MYO1B: variants seen among roughly 807,000 people sequenced by gnomAD.
MYO1B encodes unconventional myosin-Ib.
In MYO1B, 72 loss-of-function variants were observed where a neutral mutation model predicts 159.7. The ratio of observed to expected loss-of-function variants is 0.45; its 90% CI spans 0.37 to 0.55. The LOEUF (loss-of-function observed/expected upper bound fraction) is 0.55, where lower values mean the gene tolerates loss of function less well. MYO1B is among the 20% of genes least tolerant of loss of function. The pLI is 0.00. For missense variants in MYO1B, 1,062 were observed against 1,364.8 expected, an observed-to-expected ratio of 0.78 and a Z score of 3.50; for synonymous variants, 468 against 473.8, an observed-to-expected ratio of 0.99 and a Z score of 0.16.
intron 1 of MYO1B, among the ~76,000 whole-genome samples, chr2:191,264,848 T>A (rs901588776): frequency 1.3e-5 from 2 of 151,596 alleles, no homozygotes; most frequent in African/African-American, 4.9e-5. Flanking sequence ...TGAGCCTTGT[T>A]TTTTTTTGTT....
At chr2:191,423,807 A>G in intron 30 of MYO1B, 30 bp from the exon 31 acceptor site, 1 of 1,597,544 alleles carries the variant, frequency 6.3e-7, no homozygotes, top group Non-Finnish European at 8.5e-7. Context: ...TTTTGTGTAT[A>G]CTTTAATTTG....
intron 5 of MYO1B, among the ~76,000 whole-genome samples, chr2:191,342,328 A>G (rs2125955630): frequency 6.6e-6 from 1 of 152,284 alleles, no homozygotes; most frequent in South Asian, 2.1e-4. Flanking sequence ...TCTCACCTTG[A>G]TTCCTTCCCA....
Position 191,409,118 on chromosome 2 carries a change from A to G in MYO1B, c.2706A>G (p.Arg902=). 3 of 1,613,290 alleles carry G rather than the reference A, an allele frequency of 1.9e-6. 1 individual carries two copies. The South Asian group carries it at 3.3e-5, about 18-fold the overall frequency. The change falls in exon 26 of 31, where the codon AGA becomes AGG. Residue 902 remains arginine (R), a synonymous_variant. Coordinates refer to ENST00000392318, the MANE Select transcript of MYO1B (RefSeq NM_001130158.3). ...CAATAGACAAGAATTGGCCCTCAAG[A>G]CCTTACTTATTCTTGGATTCTACTC... ...LSPIDKNWPS[R]PYLFLDSTHK...
intron 5 of MYO1B, 135 bp downstream of exon 5, chr2:191,341,700 T>C: frequency 1.6e-6 from 1 of 613,548 alleles, no homozygotes; most frequent in Non-Finnish European, 2.8e-6. Flanking sequence ...CAAGACCTGC[T>C]GAGCAAATAA....
At chr2:191,324,142 T>C (rs1394464394) in intron 3 of MYO1B, among the ~76,000 whole-genome samples, 1 of 152,162 alleles carries the variant, frequency 6.6e-6, no homozygotes, top group East Asian at 1.9e-4. Flanking sequence ...TTTTATATTT[T>C]AAATGTCATT....
rs771739265 is a variant in MYO1B at position 191,390,419 on chromosome 2, G to A, written c.1909G>A (p.Ala637Thr). The change falls in exon 18 of 31, where the codon GCC (alanine) becomes ACC (threonine). Residue 637 changes from alanine to threonine, a missense_variant. Physicochemically the swap from Ala to Thr is moderately conservative, Grantham distance 58 (BLOSUM62 0). Transcript: ENST00000392318. ...VRRAGYAFRQ[A>T]YEPCLERYKM... ...GAGGGCAGGCTACGCCTTCAGGCAG[G>A]CCTATGAACCTTGCCTAGAAAGATA... is the stretch of plus-strand genomic sequence containing the variant. 2 of 1,614,234 alleles carry A rather than the reference G, an allele frequency of 1.2e-6. No homozygotes were observed. The highest frequency in any genetic ancestry group is 2.2e-5 in the South Asian group (2 of 91,090).
chr2:191,294,727 G>A (rs1397669405), intron 2 of MYO1B, among the ~76,000 whole-genome samples: 1 of 152,116 alleles, frequency 6.6e-6, no homozygotes, highest in Non-Finnish European at 1.5e-5. Context: ...CAGCAATCTT[G>A]TCCACCCTTG....
chr2:191,245,778 G>A (rs1685745760), intron 1 of MYO1B, 152 bp downstream of exon 1: 1 of 152,106 alleles, frequency 6.6e-6, no homozygotes, highest in Non-Finnish European at 1.5e-5. Flanking sequence ...GCTCTCTTGG[G>A]AGACGCGGCG....
Position 191,392,268 on chromosome 2 carries a change from G to GT in MYO1B, c.2076+70dup, listed in dbSNP as rs535535720. 3.0e-5 allele frequency: 37 copies of GT among 1,214,396 alleles called. 1 individual carries two copies. In the South Asian group the frequency reaches 5.5e-4, roughly 18 times the overall value. The allele number at this position is 1,214,396 out of a possible 1,614,324, so 75.2% of individuals were successfully genotyped here. A position where few individuals can be genotyped will look rare whatever the true frequency, so the allele number is the denominator to read the frequency against. On this transcript the variant is annotated intron_variant, in intron 19 of 30. Transcript: ENST00000392318. ...TCGTATAGGAAAGTTCTTAAAATATGTTTAACTTTATAACATTATATGAGG... is the reference window on the plus strand; with the variant it reads ...TCGTATAGGAAAGTTCTTAAAATATGTTTTAACTTTATAACATTATATGAGG...
At chr2:191,262,319 T>C (rs1686866312) in intron 1 of MYO1B, among the ~76,000 whole-genome samples, 1 of 152,172 alleles carries the variant, frequency 6.6e-6, no homozygotes, top group Admixed American at 6.5e-5. Flanking sequence ...GGCCCACTTT[T>C]ATGCAGTACA....
At chr2:191,411,356 T>G (rs982064860) in intron 27 of MYO1B, among the ~76,000 whole-genome samples, 184 bp downstream of exon 27, 6 of 152,230 alleles carry the variant, frequency 3.9e-5, no homozygotes, top group Non-Finnish European at 8.8e-5. Flanking sequence ...TAGTGCAGTT[T>G]AATGAAATGA....
chr2:191,354,332 G>T (rs946245104), intron 7 of MYO1B, among the ~76,000 whole-genome samples: 1 of 150,930 alleles, frequency 6.6e-6, no homozygotes, highest in African/African-American at 2.4e-5. Flanking sequence ...TTGAATGAAT[G>T]AATGATCACA....
At chr2:191,417,101 T>C (rs1161008546) in intron 30 of MYO1B, among the ~76,000 whole-genome samples, 2 of 152,234 alleles carry the variant, frequency 1.3e-5, no homozygotes, top group East Asian at 3.8e-4. Flanking sequence ...TATATTCTTT[T>C]CTAATTAAGA....
chr2:191,304,948 G>A (rs1313481756), intron 3 of MYO1B, among the ~76,000 whole-genome samples: 1 of 152,168 alleles, frequency 6.6e-6, no homozygotes, highest in Admixed American at 6.5e-5. Context: ...CAATCTTAAA[G>A]GGAAAAGTTT....
At chr2:191,405,336 C>T (rs180890502) in intron 24 of MYO1B, among the ~76,000 whole-genome samples, 12 of 152,310 alleles carry the variant, frequency 7.9e-5, no homozygotes, top group Admixed American at 6.5e-4. Context: ...AAGTTGTGAG[C>T]CCCCTCCAAG....
In MYO1B at chr2:191,362,268, ATAAACT is replaced by A; in HGVS notation, c.666_671del (p.Lys224_Leu225del). 1.9e-6 allele frequency: 3 copies of A among 1,612,762 alleles called. No homozygotes were observed. The highest frequency in any genetic ancestry group is 1.7e-6 in the Non-Finnish European group (2 of 1,178,968). On this transcript the variant is annotated inframe_deletion and splice_region_variant, in exon 9 of 31. Coordinates refer to ENST00000392318, the MANE Select transcript of MYO1B (RefSeq NM_001130158.3). ...ACAACTTGTGTCTTTGATTCAATAG[ATAAACT>A]TAAGCTTGAGAGGGATTTCAGCAGG...
At chr2:191,388,181 G>A (rs1364178784) in intron 17 of MYO1B, 1 of 152,220 alleles carries the variant, frequency 6.6e-6, no homozygotes, top group East Asian at 1.9e-4. Flanking sequence ...CTACTTGGGA[G>A]GCTGAGGCAG....
In MYO1B at chr2:191,393,188, A is replaced by G; in HGVS notation, c.2192A>G (p.Gln731Arg). ...RTHFLLMKKS[Q>R]IVIAAWYRRY... is the part of the protein sequence containing the mutation. ...CACTTCCTGCTAATGAAAAAAAGCC[A>G]AATTGTGATTGCCGCCTGGTACAGG... Residue 731 changes from glutamine (Q) to arginine (R), a missense_variant, in exon 20 of 31, where the codon CAA (glutamine) becomes CGA (arginine). By Grantham distance (43) the Gln-to-Arg change is conservative. Transcript: ENST00000392318. 5 of 1,614,116 alleles carry G rather than the reference A, an allele frequency of 3.1e-6. No homozygotes were observed. Among genetic ancestry groups the G allele is most frequent in the Non-Finnish European group, 4.2e-6 (5 of 1,179,964 alleles).
At position 191,360,653 on chromosome 2, in the gene MYO1B, T is replaced by C; in HGVS notation, c.585T>C (p.Val195=). The change falls in exon 8 of 31, where the codon GTT becomes GTC. Residue 195 remains valine (V), a synonymous_variant. Coordinates refer to ENST00000392318, the MANE Select transcript of MYO1B (RefSeq NM_001130158.3). ...ISNYLLEKSR[V]VKQPRGERNF... ...TAGATCTTTTAGAGAAATCTCGGGT[T>C]GTTAAACAGCCAAGAGGTGAAAGAA... 1 of 1,612,520 alleles carries C rather than the reference T, an allele frequency of 6.2e-7. No individual in the cohort carries two copies. Among genetic ancestry groups the C allele is most frequent in the African/African-American group, 1.3e-5 (1 of 74,990 alleles).
Sources: gnomAD v4.1 joint callset for allele counts (sites outside exome capture counted in the v4.1 genomes callset) on GRCh38, gnomAD v4.1.1 for gene constraint, MANE v1.5 for transcripts, NCBI Gene and HGNC (gene_info 2026-07-23, HGNC 2026-07-21) for gene names.